Variants in COA1 observed in about 807,000 individuals in gnomAD.
The protein encoded by COA1 is cytochrome c oxidase assembly factor 1, also known as cytochrome c oxidase assembly factor 1 homolog.
In COA1, 13 loss-of-function variants were observed where a neutral mutation model predicts 16.0. The ratio of observed to expected loss-of-function variants is 0.81; its 90% CI spans 0.53 to 1.29. COA1 has a LOEUF of 1.29. Ranked by LOEUF, COA1 falls within the 50% of genes most tolerant of loss-of-function variation. COA1 has a pLI of 0.00. For missense variants in COA1, 179 were observed against 177.0 expected, an observed-to-expected ratio of 1.01 and a Z score of -0.06; for synonymous variants, 65 against 65.7, an observed-to-expected ratio of 0.99 and a Z score of 0.05.
Position 43,647,578 on chromosome 7 carries a change from C to T in COA1, c.72G>A (p.Val24=), listed in dbSNP as rs2089742403. 1.9e-6 allele frequency: 3 copies of T among 1,614,106 alleles called. No individual in the cohort carries two copies. The highest frequency in any genetic ancestry group is 2.5e-6 in the Non-Finnish European group (3 of 1,179,950). ...CAATGGCAAAGCCCCCGGCATAGAACACACCGTGGAAAAGGATCCTTGCTC... is the reference window on the plus strand; with the variant it reads ...CAATGGCAAAGCCCCCGGCATAGAATACACCGTGGAAAAGGATCCTTGCTC... ...PLGARILFHG[V]FYAGGFAIVY... The change falls in exon 3 of 6, where the codon GTG becomes GTA. Residue 24 remains valine, a synonymous_variant. Coordinates refer to ENST00000223336, the MANE Select transcript of COA1 (RefSeq NM_018224.4).
intron 6 of COA1, chr7:43,632,202 T>C (rs12531247): frequency 0.084 from 14,005 of 166,904 alleles, 709 homozygotes; most frequent in Admixed American, 0.17. Flanking sequence ...TCACCAGGAG[T>C]AGATTCCATT....
chr7:43,703,448 T>A (rs1026828270), intron 1 of COA1, among the ~76,000 whole-genome samples: 4 of 152,180 alleles, frequency 2.6e-5, no homozygotes, highest in Non-Finnish European at 5.9e-5. Flanking sequence ...CTCCCACTAT[T>A]GTTGTGTGGT....
At chr7:43,673,139 T>C (rs2093352872) in intron 1 of COA1, among the ~76,000 whole-genome samples, 1 of 152,194 alleles carries the variant, frequency 6.6e-6, no homozygotes, top group African/African-American at 2.4e-5. Flanking sequence ...AAGGCAATTG[T>C]AACAAAAGCA....
chr7:43,639,006 G>A (rs1199785722), downstream of COA1: 3 of 152,332 alleles, frequency 2.0e-5, no homozygotes, highest in Admixed American at 1.3e-4. Flanking sequence ...CTGGGCAGAT[G>A]GTTGGTGTCT....
At chr7:43,679,492 A>G (rs2093674886) in intron 1 of COA1, among the ~76,000 whole-genome samples, 2 of 152,114 alleles carry the variant, frequency 1.3e-5, no homozygotes. Flanking sequence ...ATCTAATCTG[A>G]GATTCTCCTC....
chr7:43,702,768 A>T (rs2094802549), intron 1 of COA1, among the ~76,000 whole-genome samples: 1 of 152,042 alleles, frequency 6.6e-6, no homozygotes, highest in Non-Finnish European at 1.5e-5. Flanking sequence ...ACTAGCTAGC[A>T]ATCTATCAAT....
chr7:43,660,310 T>C (rs1040907197), intron 1 of COA1, among the ~76,000 whole-genome samples: 1 of 152,118 alleles, frequency 6.6e-6, no homozygotes, highest in Non-Finnish European at 1.5e-5. Flanking sequence ...CAAGTCCCCA[T>C]GTGAGCTCCT....
chr7:43,654,208 C>T (rs1445759683), intron 1 of COA1, among the ~76,000 whole-genome samples: 4 of 152,112 alleles, frequency 2.6e-5, no homozygotes, highest in Non-Finnish European at 2.9e-5. Flanking sequence ...GCTGGCCAGC[C>T]CCAAACTGGG....
intron 1 of COA1, among the ~76,000 whole-genome samples, chr7:43,669,116 TC>T (rs560790802): frequency 1.3e-3 from 204 of 152,248 alleles, no homozygotes; most frequent in African/African-American, 4.6e-3. Flanking sequence ...TAGCTGCTGT[TC>T]CCCATTCGAT....
At chr7:43,644,799 C>CAGACAGAGAG (rs2088658610) in intron 4 of COA1, among the ~76,000 whole-genome samples, 1 of 75,356 alleles carries the variant, frequency 1.3e-5, no homozygotes, top group African/African-American at 5.6e-5. Context: ...GGCAGAGAGA[C>CAGACAGAGAG]AGAGAGAGAG....
chr7:43,609,256 G>A (rs1192486782), exon 7 of COA1: 1 of 152,250 alleles, frequency 6.6e-6, no homozygotes, highest in Non-Finnish European at 1.5e-5. Flanking sequence ...GGAGACAGCA[G>A]GAAAGTCAGT....
At chr7:43,620,615 A>G (rs1242867783) in intron 6 of COA1, among the ~76,000 whole-genome samples, 1 of 151,712 alleles carries the variant, frequency 6.6e-6, no homozygotes, top group Non-Finnish European at 1.5e-5. Flanking sequence ...CGGAGCTTGC[A>G]GTGAGCCAAG....
At chr7:43,701,750 T>C (rs1050339730) in intron 1 of COA1, among the ~76,000 whole-genome samples, 4 of 152,178 alleles carry the variant, frequency 2.6e-5, no homozygotes, top group African/African-American at 9.7e-5. Context: ...CTTGCCAGCA[T>C]CTGTTATTGA....
intron 6 of COA1, among the ~76,000 whole-genome samples, chr7:43,626,958 CAG>C (rs1432049068): frequency 1.3e-5 from 2 of 152,076 alleles, no homozygotes; most frequent in East Asian, 1.9e-4. Flanking sequence ...AAGATAAAAA[CAG>C]GGCATGAAGA....
At chr7:43,696,046 G>A (rs1004432482) in intron 1 of COA1, among the ~76,000 whole-genome samples, 4 of 152,124 alleles carry the variant, frequency 2.6e-5, no homozygotes, top group African/African-American at 4.8e-5. Flanking sequence ...CAATCACGGC[G>A]GAAGACAAGG....
intron 1 of COA1, among the ~76,000 whole-genome samples, chr7:43,663,313 C>A (rs1165470029): frequency 1.3e-5 from 2 of 152,146 alleles, no homozygotes; most frequent in Non-Finnish European, 1.5e-5. Flanking sequence ...AATTAAACTT[C>A]TTTTCTTTAT....
At chr7:43,649,828 C>T (rs1388338785) in intron 1 of COA1, 7 of 152,180 alleles carry the variant, frequency 4.6e-5, no homozygotes, top group African/African-American at 1.7e-4. Context: ...CTAATTTGCA[C>T]AAAGGTGCCT....
chr7:43,722,091 CT>C (rs34638426), intron 1 of COA1, among the ~76,000 whole-genome samples: 81,789 of 132,204 alleles, frequency 0.62, 25,370 homozygotes, highest in African/African-American at 0.81. Flanking sequence ...ATTCTGGTAA[CT>C]TTTTTTTTTT....
intron 1 of COA1, among the ~76,000 whole-genome samples, chr7:43,727,061 T>C (rs1182868371): frequency 1.3e-5 from 2 of 152,218 alleles, no homozygotes; most frequent in East Asian, 1.9e-4. Flanking sequence ...ACTAATTACC[T>C]GATTTGATCA....
Sources: gnomAD v4.1 joint callset for allele counts (sites outside exome capture counted in the v4.1 genomes callset) on GRCh38, gnomAD v4.1.1 for gene constraint, MANE v1.5 for transcripts, NCBI Gene and HGNC (gene_info 2026-07-23, HGNC 2026-07-21) for gene names.